The following C1orf94 variants were observed in gnomAD, a reference collection of about 807,000 sequenced individuals.
C1orf94 encodes chromosome 1 open reading frame 94.
A neutral mutation model predicts 53.6 loss-of-function variants in C1orf94; 45 were observed. The ratio of observed to expected loss-of-function variants is 0.84; its 90% CI spans 0.66 to 1.08. The LOEUF (loss-of-function observed/expected upper bound fraction) is 1.08, where lower values mean the gene tolerates loss of function less well. C1orf94 is among the 50% of genes least tolerant of loss of function. C1orf94 has a pLI of 0.00. For missense variants in C1orf94, 762 were observed against 738.9 expected (o/e 1.03, Z -0.36); for synonymous variants, 304 against 296.1 (o/e 1.03, Z -0.27).
chr1:34,201,063 G>A, intron 3 of C1orf94, 31 bp downstream of exon 3: 2 of 1,557,898 alleles, frequency 1.3e-6, no homozygotes, highest in Non-Finnish European at 8.7e-7. Flanking sequence ...AGGGATTGGA[G>A]GGGAGGGGGT....
At position 34,178,122 on chromosome 1, in the gene C1orf94, C is replaced by T. The variant is rs980553476; in HGVS notation, c.320+13C>T. ...GCTTTCAAGAAGAGTAAGTACCCCC[C>T]TACTCCATTGGCAGCAAGGGAGGAG... is the stretch of plus-strand genomic sequence containing the variant. On this transcript the variant is annotated intron_variant, in intron 1 of 6. Transcript: ENST00000488417. The T allele has an allele frequency of 1.9e-6, 3 of 1,546,990 alleles. No homozygotes were observed. The highest frequency in any genetic ancestry group is 2.6e-6 in the Non-Finnish European group (3 of 1,143,666).
At chr1:34,174,170 C>T (rs553215059), upstream of C1orf94, among the ~76,000 whole-genome samples, 2 of 152,366 alleles carry the variant, frequency 1.3e-5, no homozygotes, top group East Asian at 1.9e-4. Flanking sequence ...ATTCGTTTCT[C>T]CATCACAGAA....
At chr1:34,202,596 T>C (rs145515801) in intron 4 of C1orf94, among the ~76,000 whole-genome samples, 57 of 152,322 alleles carry the variant, frequency 3.7e-4, no homozygotes, top group African/African-American at 1.2e-3. Flanking sequence ...TCTTTGCTAG[T>C]TGTGGCTGGT....
upstream of C1orf94, among the ~76,000 whole-genome samples, chr1:34,173,584 A>G (rs1034312257): frequency 1.3e-5 from 2 of 152,188 alleles, no homozygotes; most frequent in Non-Finnish European, 2.9e-5. Context: ...ATTCTAAATA[A>G]TGATAGCCAA....
At chr1:34,214,367 G>C (rs1029794104) in intron 6 of C1orf94, among the ~76,000 whole-genome samples, 3 of 152,236 alleles carry the variant, frequency 2.0e-5, no homozygotes, top group African/African-American at 7.2e-5. Flanking sequence ...GCTTTGGACT[G>C]CTAGGCCTGG....
In C1orf94 at chr1:34,212,301, A is replaced by G. The variant is rs759568982; in HGVS notation, c.1616A>G (p.Asn539Ser). ...AGCTACATCCCTTTTGTCCAGCCCA[A>G]TTATCCCTACCCTCAGAGGACACCT... ...LLSYIPFVQPNYPYPQRTPPK... is the reference protein window; with the variant it reads ...LLSYIPFVQPSYPYPQRTPPK... Residue 539 changes from asparagine (N) to serine (S), a missense_variant, in exon 6 of 7, where the codon AAT (asparagine) becomes AGT (serine). Asn to Ser is a conservative substitution (Grantham distance 46). Transcript: ENST00000488417. 1 of 1,613,848 alleles carries G rather than the reference A, an allele frequency of 6.2e-7. No individual in the cohort carries two copies. The highest frequency in any genetic ancestry group is 1.1e-5 in the South Asian group (1 of 91,034).
At chr1:34,200,215 C>T (rs1642676694) in intron 2 of C1orf94, among the ~76,000 whole-genome samples, 1 of 152,174 alleles carries the variant, frequency 6.6e-6, no homozygotes, top group African/African-American at 2.4e-5. Flanking sequence ...ACCACATGTT[C>T]TGTAAGAATG....
At chr1:34,208,126 C>T (rs1260620816) in intron 4 of C1orf94, 31 bp from the exon 5 acceptor site, 1 of 1,610,500 alleles carries the variant, frequency 6.2e-7, no homozygotes. Flanking sequence ...AACCCCTTGC[C>T]TGGCCATACT....
At position 34,202,172 on chromosome 1, in the gene C1orf94, A is replaced by G; in HGVS notation, c.1359A>G (p.Ser453=). 1 of 1,614,234 alleles carries G rather than the reference A, an allele frequency of 6.2e-7. No individual in the cohort carries two copies. Among genetic ancestry groups the G allele is most frequent in the Non-Finnish European group, 8.5e-7 (1 of 1,180,038 alleles). The change falls in exon 4 of 7, where the codon TCA becomes TCG. Residue 453 remains serine, a synonymous_variant. Coordinates refer to ENST00000488417, the MANE Select transcript of C1orf94 (RefSeq NM_001134734.2). ...CACACTTTCCTACAGCCATGACCTC[A>G]GCAACCCTGAACCAGCCACTCTGGC... ...FTPHFPTAMT[S]ATLNQPLWLN...
chr1:34,170,762 C>T (rs1642134931), intron 1 of C1orf94, among the ~76,000 whole-genome samples: 1 of 149,476 alleles, frequency 6.7e-6, no homozygotes, highest in Non-Finnish European at 1.5e-5. Context: ...CCACCCCAGC[C>T]TGCCTCTCTG....
Position 34,177,689 on chromosome 1 carries a change from A to C in C1orf94, c.-101A>C. Reference sequence around the variant, plus strand: ...GCTGTCCTCCACCCACCCCTCCCACACAAATAGAAGGCCTCTGAACCTAAC... The same window carrying C: ...GCTGTCCTCCACCCACCCCTCCCACCCAAATAGAAGGCCTCTGAACCTAAC... On this transcript the variant is annotated 5_prime_UTR_variant, in exon 1 of 7. Transcript: ENST00000488417. 2 of 1,070,936 alleles carry C rather than the reference A, an allele frequency of 1.9e-6. No homozygotes were observed. Among genetic ancestry groups the C allele is most frequent in the Non-Finnish European group, 1.3e-6 (1 of 764,742 alleles). The allele number at this position is 1,070,936 out of a possible 1,614,324, so 66.3% of individuals were successfully genotyped here. A position where few individuals can be genotyped will look rare whatever the true frequency, so the allele number is the denominator to read the frequency against.
At chr1:34,180,740 A>G (rs1642300420) in intron 1 of C1orf94, among the ~76,000 whole-genome samples, 2 of 152,250 alleles carry the variant, frequency 1.3e-5, no homozygotes, top group South Asian at 2.1e-4. Context: ...GGTGCACAAG[A>G]TATCTCTCAG....
rs78719348 is a variant in C1orf94 at position 34,193,810 on chromosome 1, G to T, written c.321-3415G>T. ...AAGGGAAATATTAATTGTAGAGGCT[G>T]GCAAGAGAAGAATGGATATCCTGCG... On this transcript the variant is annotated intron_variant, in intron 1 of 6. Transcript: ENST00000488417. Among the ~76,000 whole-genome samples, 859 of 152,366 alleles carry T rather than the reference G, an allele frequency of 5.6e-3. 5 individuals carry two copies. The highest frequency in any genetic ancestry group is 8.3e-3 in the Non-Finnish European group (568 of 68,040).
chr1:34,187,762 T>TCCC (rs1390993739), intron 1 of C1orf94, among the ~76,000 whole-genome samples: 14 of 16,584 alleles, frequency 8.4e-4, no homozygotes, highest in African/African-American at 1.9e-3. Flanking sequence ...GCTCACTGAA[T>TCCC]CCACCCACCC....
At chr1:34,173,773 C>G (rs779750942), upstream of C1orf94, among the ~76,000 whole-genome samples, 1 of 152,166 alleles carries the variant, frequency 6.6e-6, no homozygotes, top group Non-Finnish European at 1.5e-5. Context: ...AGGGGGAATT[C>G]AAGAAGTTTT....
intron 6 of C1orf94, 97 bp downstream of exon 6, chr1:34,212,503 G>C: frequency 4.0e-6 from 5 of 1,246,136 alleles, no homozygotes; most frequent in Non-Finnish European, 5.5e-6. Flanking sequence ...TAGTATGTGT[G>C]TTCCATGGCT....
At chr1:34,196,366 G>T (rs1642580236) in intron 1 of C1orf94, among the ~76,000 whole-genome samples, 1 of 152,200 alleles carries the variant, frequency 6.6e-6, no homozygotes, top group African/African-American at 2.4e-5. Context: ...GGTTCAGGAA[G>T]ATCCTGGTGA....
intron 1 of C1orf94, among the ~76,000 whole-genome samples, chr1:34,192,978 G>A (rs1158845120): frequency 6.6e-6 from 1 of 152,182 alleles, no homozygotes; most frequent in Non-Finnish European, 1.5e-5. Flanking sequence ...TCCACAGGAG[G>A]ATTTTCAGCA....
At chr1:34,173,300 C>A (rs1642175368), upstream of C1orf94, among the ~76,000 whole-genome samples, 3 of 152,074 alleles carry the variant, frequency 2.0e-5, no homozygotes, top group South Asian at 6.2e-4. Flanking sequence ...TCCTCTATAG[C>A]CAAAAAGTTA....
Sources: gnomAD v4.1 joint callset for allele counts (sites outside exome capture counted in the v4.1 genomes callset) on GRCh38, gnomAD v4.1.1 for gene constraint, MANE v1.5 for transcripts, NCBI Gene and HGNC (gene_info 2026-07-23, HGNC 2026-07-21) for gene names.